Variants in DHRS7 observed in about 807,000 individuals in gnomAD.
DHRS7 encodes dehydrogenase/reductase SDR family member 7.
A neutral mutation model predicts 38.9 loss-of-function variants in DHRS7; 34 were observed. The observed-to-expected ratio is 0.87, with a 90% CI of 0.66 to 1.16. The LOEUF (loss-of-function observed/expected upper bound fraction) is 1.16. Ranked by LOEUF, DHRS7 falls within the 50% of genes most tolerant of loss-of-function variation. The pLI, the probability that DHRS7 is intolerant of heterozygous loss-of-function variation, is 0.00. For missense variants in DHRS7, 421 were observed against 407.0 expected (o/e 1.03, Z -0.30); for synonymous variants, 158 against 153.1 (o/e 1.03, Z -0.24).
In DHRS7 at chr14:60,145,840, A is replaced by G. The variant is rs955631309; in HGVS notation, c.973-827T>C. ...TAAGAAAGACAAAATAATAATAATGATAATACAAAATTCAGTGTAGCCACT... is the reference window on the plus strand; with the variant it reads ...TAAGAAAGACAAAATAATAATAATGGTAATACAAAATTCAGTGTAGCCACT... On this transcript the variant is annotated intron_variant, in intron 6 of 6. Transcript: ENST00000557185. This position sits in a 1 kb window ranked among gnomAD's most constrained non-coding sequence, Gnocchi z 4.0. 6.6e-6 allele frequency: 1 copy of G among 152,070 alleles called. No individual in the cohort carries two copies. Among genetic ancestry groups the G allele is most frequent in the African/African-American group, 2.4e-5 (1 of 41,444 alleles). The allele number at this position is 152,070 out of a possible 1,614,324, so 9.4% of individuals were successfully genotyped here. A position where few individuals can be genotyped will look rare whatever the true frequency, so the allele number is the denominator to read the frequency against.
chr14:60,155,776 C>A, intron 2 of DHRS7: 1 of 349,626 alleles, frequency 2.9e-6, no homozygotes, highest in African/African-American at 2.1e-5. Context: ...TTGGTCACTC[C>A]CTAATGCCAA....
At chr14:60,160,521 G>A (rs1304021186) in intron 1 of DHRS7, among the ~76,000 whole-genome samples, 2 of 150,652 alleles carry the variant, frequency 1.3e-5, no homozygotes, top group African/African-American at 4.9e-5. Flanking sequence ...GTTATCTCTG[G>A]CACAGAGTAG....
At chr14:60,163,493 G>A (rs984071839) in intron 1 of DHRS7, among the ~76,000 whole-genome samples, 11 of 152,060 alleles carry the variant, frequency 7.2e-5, no homozygotes, top group Non-Finnish European at 1.6e-4. Context: ...TAGATAAATA[G>A]CAATTTATCA....
At chr14:60,168,727 A>G (rs755388419), upstream of DHRS7, 6 of 1,563,002 alleles carry the variant, frequency 3.8e-6, no homozygotes, top group Non-Finnish European at 5.2e-6. Context: ...GAGTGAACAG[A>G]AATTTATGGT....
At chr14:60,166,620 C>T (rs912532306), upstream of DHRS7, among the ~76,000 whole-genome samples, 10 of 147,120 alleles carry the variant, frequency 6.8e-5, no homozygotes, top group Non-Finnish European at 1.0e-4. Context: ...TTTTTAAATC[C>T]TATTATAAAC....
At chr14:60,152,428 T>C (rs1896564143) in intron 4 of DHRS7, among the ~76,000 whole-genome samples, 1 of 152,196 alleles carries the variant, frequency 6.6e-6, no homozygotes, top group Non-Finnish European at 1.5e-5. Flanking sequence ...CCAGGACTAA[T>C]CATCCTGTGG....
At chr14:60,156,513 A>G (rs2140603918) in intron 1 of DHRS7, among the ~76,000 whole-genome samples, 1 of 152,336 alleles carries the variant, frequency 6.6e-6, no homozygotes, top group South Asian at 2.1e-4. Flanking sequence ...CAGGCTAAGT[A>G]AATACAAAAA....
upstream of DHRS7, among the ~76,000 whole-genome samples, chr14:60,166,958 C>G (rs1215175726): frequency 6.6e-6 from 1 of 151,820 alleles, no homozygotes; most frequent in Non-Finnish European, 1.5e-5. Flanking sequence ...AGGATAGTTA[C>G]CAGAGGCTGA....
rs1014467578 is a variant in DHRS7, at chr14:60,145,587, T to C, written c.973-574A>G. The C allele has an allele frequency of 2.0e-5, 3 of 152,112 alleles. No homozygotes were observed. The highest frequency in any genetic ancestry group is 4.8e-5 in the African/African-American group (2 of 41,400). The allele number at this position is 152,112 out of a possible 1,614,324, so 9.4% of individuals were successfully genotyped here. A position where few individuals can be genotyped will look rare whatever the true frequency, so the allele number is the denominator to read the frequency against. On this transcript the variant is annotated intron_variant, in intron 6 of 6. Coordinates refer to ENST00000557185, the MANE Select transcript of DHRS7 (RefSeq NM_016029.4). This position sits in a 1 kb window ranked among gnomAD's most constrained non-coding sequence, Gnocchi z 4.0. Reference sequence around the variant, plus strand: ...TACCCGGGAGGCTGAGGCAAGAGAATTGCTTGAATCCAGGAGGCGGAGGTT... The same window carrying C: ...TACCCGGGAGGCTGAGGCAAGAGAACTGCTTGAATCCAGGAGGCGGAGGTT...
At position 60,161,107 on chromosome 14, in the gene DHRS7, C is replaced by T. The variant is rs184323262; in HGVS notation, c.133+4070G>A. ...CTCCCAGAATTTTTTGTAAACTCAA[C>T]TCCTCTGTTTACAGAGTTTTAGTCA... is the stretch of plus-strand genomic sequence containing the variant. On this transcript the variant is annotated intron_variant, in intron 1 of 6. Coordinates refer to ENST00000557185, the MANE Select transcript of DHRS7 (RefSeq NM_016029.4). The surrounding 1 kb of genome is among the most constrained non-coding windows in gnomAD (Gnocchi z 4.2). Among the ~76,000 whole-genome samples, 3 of 152,286 alleles carry T rather than the reference C, an allele frequency of 2.0e-5. No homozygotes were observed. The highest frequency in any genetic ancestry group is 4.1e-4 in the South Asian group (2 of 4,826).
chr14:60,166,196 T>C, upstream of DHRS7: 2 of 981,470 alleles, frequency 2.0e-6, no homozygotes, highest in Non-Finnish European at 1.2e-6. Context: ...TCCCACTAAA[T>C]ACCTACATGT....
chr14:60,151,790 A>G (rs979452595), intron 4 of DHRS7, among the ~76,000 whole-genome samples: 22 of 152,198 alleles, frequency 1.4e-4, no homozygotes, highest in Non-Finnish European at 2.4e-4. Context: ...TACAGTCTCA[A>G]CCTGCCACAT....
rs964934970 is a variant in DHRS7, at chr14:60,146,436, T to A, written c.973-1423A>T. On this transcript the variant is annotated intron_variant, in intron 6 of 6. Transcript: ENST00000557185. The surrounding 1 kb of genome is among the most constrained non-coding windows in gnomAD (Gnocchi z 4.9). ...TCTTTCTCTGCCCTATTATTTAAAT[T>A]GAGAATGTGAACCAGTACAGACATT... The A allele has an allele frequency of 6.6e-6, 1 of 152,100 alleles. No individual in the cohort carries two copies. Among genetic ancestry groups the A allele is most frequent in the Non-Finnish European group, 1.5e-5 (1 of 67,992 alleles). The allele number at this position is 152,100 out of a possible 1,614,324, so 9.4% of individuals were successfully genotyped here. A position where few individuals can be genotyped will look rare whatever the true frequency, so the allele number is the denominator to read the frequency against.
intron 1 of DHRS7, among the ~76,000 whole-genome samples, chr14:60,163,568 A>AT (rs1487298223): frequency 2.0e-5 from 3 of 152,230 alleles, no homozygotes; most frequent in African/African-American, 7.2e-5. Context: ...TAAATTTAAA[A>AT]TCCTTCAAAC....
chr14:60,158,169 G>A (rs1465738056), intron 1 of DHRS7, among the ~76,000 whole-genome samples: 1 of 146,330 alleles, frequency 6.8e-6, no homozygotes, highest in Admixed American at 6.9e-5. Flanking sequence ...GGAGGCAGAG[G>A]TTGCAGTGAG....
At chr14:60,165,664 G>A (rs1202797927), upstream of DHRS7, 6 of 1,063,096 alleles carry the variant, frequency 5.6e-6, no homozygotes, top group African/African-American at 1.0e-4. The surrounding 1 kb of genome is among the most constrained non-coding windows in gnomAD (Gnocchi z 4.6). Context: ...TCAAACATAA[G>A]CTACATATTA....
rs61442682 is a variant in DHRS7 at position 60,153,702 on chromosome 14, CATAA to C, written c.393+253_393+256del. Among the ~76,000 whole-genome samples, 1 of 151,404 alleles carries C rather than the reference CATAA, an allele frequency of 6.6e-6. No homozygotes were observed. The highest frequency in any genetic ancestry group is 2.1e-4 in the South Asian group (1 of 4,810). The stretch of plus-strand genomic sequence containing the variant: ...CAGAGCAAGACTTTGTCTCAAAATA[CATAA>C]ATAAATAAATAAAAGCAGCCGTGAA... On this transcript the variant is annotated intron_variant, in intron 3 of 6. Transcript: ENST00000557185. The surrounding 1 kb of genome is among the most constrained non-coding windows in gnomAD (Gnocchi z 4.4).
chr14:60,160,329 CAAAA>C (rs1264197897), intron 1 of DHRS7, among the ~76,000 whole-genome samples: 1 of 116,934 alleles, frequency 8.6e-6, no homozygotes, highest in African/African-American at 3.1e-5. Context: ...AAACAAAAAA[CAAAA>C]AAAAAACTTC....
intron 5 of DHRS7, 62 bp from the exon 6 acceptor site, chr14:60,149,630 A>G: frequency 5.1e-6 from 7 of 1,375,038 alleles, no homozygotes; most frequent in Middle Eastern, 4.4e-4. Context: ...TTAAGCTAGA[A>G]AGGACTCAAA....
Sources: allele counts gnomAD v4.1 joint callset (sites outside exome capture counted in the v4.1 genomes callset), GRCh38; gene constraint gnomAD v4.1.1; non-coding constraint Gnocchi (gnomAD v3.1); transcripts MANE v1.5; gene names NCBI Gene and HGNC (gene_info 2026-07-23, HGNC 2026-07-21).